Variants in COL5A1 observed in about 807,000 individuals in gnomAD.
COL5A1 encodes the protein collagen alpha-1(V) chain.
A neutral mutation model predicts 263.7 loss-of-function variants in COL5A1; 16 were observed. The ratio of observed to expected loss-of-function variants is 0.06; its 90% confidence interval spans 0.04 to 0.09. The LOEUF (loss-of-function observed/expected upper bound fraction) is 0.09, where lower values mean the gene tolerates loss of function less well. Ranked by LOEUF, COL5A1 falls within the 10% of genes least tolerant of loss-of-function variation. The pLI is 1.00. For missense variants in COL5A1, 2,036 were observed against 2,540.5 expected (o/e 0.80, Z 4.27); for synonymous variants, 1,012 against 1,004.5 (o/e 1.01, Z -0.14).
intron 4 of COL5A1, among the ~76,000 whole-genome samples, chr9:134,709,437 A>G (rs1038228378): frequency 1.7e-4 from 26 of 152,192 alleles, no homozygotes; most frequent in Middle Eastern, 3.4e-3. Context: ...GCAGTTTGGT[A>G]TCGGGGTGCA....
chr9:134,728,598 G>A lies in COL5A1; in HGVS notation c.787-72G>A, dbSNP rs191710927. The A allele has an allele frequency of 6.5e-5, 104 of 1,607,286 alleles. No homozygotes were observed. The African/African-American group carries it at 9.2e-4, about 14-fold the overall frequency. On this transcript the variant is annotated intron_variant, in intron 5 of 65. Transcript: ENST00000371817. ...CGTGGCGTGCAGATCTGGAGGTTGC[G>A]GAAGGAAGGACAGCAGGCTGGTCGC... is the stretch of plus-strand genomic sequence containing the variant.
rs1830112154 is a variant in COL5A1, at chr9:134,841,860, A to G, written c.5371-297A>G. Among the ~76,000 whole-genome samples, 1 of 151,976 alleles carries G rather than the reference A, an allele frequency of 6.6e-6. No individual in the cohort carries two copies. Among genetic ancestry groups the G allele is most frequent in the South Asian group, 2.1e-4 (1 of 4,826 alleles). On this transcript the variant is annotated intron_variant, in intron 65 of 65. Coordinates refer to ENST00000371817, the MANE Select transcript of COL5A1 (RefSeq NM_000093.5). The surrounding 1 kb of genome is among the most constrained non-coding windows in gnomAD (Gnocchi z 4.8). ...ACGGTGGGAAGGCTGATCAGCTTCA[A>G]TCCTGTGTGTGCCTCAGCCACCCCT...
chr9:134,745,404 G>A (rs893182758), intron 11 of COL5A1, among the ~76,000 whole-genome samples: 1 of 152,152 alleles, frequency 6.6e-6, no homozygotes, highest in African/African-American at 2.4e-5. Context: ...TGTTCATCAC[G>A]GTCAGTTAGT....
chr9:134,756,670 G>T (rs936800871), intron 16 of COL5A1, 95 bp from the exon 17 acceptor site: 5 of 1,358,212 alleles, frequency 3.7e-6, no homozygotes, highest in Non-Finnish European at 5.3e-6. Context: ...CGGCTCTGGT[G>T]GAACGCTCAA....
At chr9:134,687,623 G>C (rs1833126461) in intron 1 of COL5A1, among the ~76,000 whole-genome samples, 3 of 152,182 alleles carry the variant, frequency 2.0e-5, no homozygotes, top group African/African-American at 7.2e-5. Flanking sequence ...TCGGTCTCAG[G>C]AACCTCTGGG....
intron 31 of COL5A1, among the ~76,000 whole-genome samples, chr9:134,788,306 C>G (rs3128622): frequency 0.64 from 85,871 of 134,352 alleles, 26,126 homozygotes; most frequent in Middle Eastern, 0.67. Context: ...GTAGACAGGT[C>G]GATGAATGGA....
intron 32 of COL5A1, among the ~76,000 whole-genome samples, chr9:134,791,152 C>T (rs1837677730): frequency 6.6e-6 from 1 of 152,244 alleles, no homozygotes; most frequent in South Asian, 2.1e-4. Flanking sequence ...TGCCAGGCAC[C>T]ACATGCCCCA....
intron 4 of COL5A1, among the ~76,000 whole-genome samples, chr9:134,712,979 A>G (rs547506586): frequency 1.3e-5 from 2 of 152,214 alleles, no homozygotes; most frequent in East Asian, 3.9e-4. Context: ...GCACTCCTGG[A>G]GCCCTGGACT....
At chr9:134,756,330 TTC>T (rs1434846249) in intron 16 of COL5A1, among the ~76,000 whole-genome samples, 1 of 152,212 alleles carries the variant, frequency 6.6e-6, no homozygotes, top group Non-Finnish European at 1.5e-5. Flanking sequence ...GATGTGTCCT[TTC>T]TCTCTTTCCT....
chr9:134,808,632 A>G (rs1838389821), intron 42 of COL5A1, among the ~76,000 whole-genome samples: 1 of 152,190 alleles, frequency 6.6e-6, no homozygotes, highest in African/African-American at 2.4e-5. Context: ...GTGCACATGC[A>G]TGTGCATGCA....
At chr9:134,823,520 C>T (rs759133611) in intron 61 of COL5A1, 51 bp downstream of exon 61, 24 of 1,587,772 alleles carry the variant, frequency 1.5e-5, no homozygotes, top group South Asian at 8.8e-5. Context: ...TGGCTAGCTC[C>T]GAGGGAATTG....
chr9:134,720,915 A>G (rs974101879), intron 4 of COL5A1, among the ~76,000 whole-genome samples: 35 of 152,144 alleles, frequency 2.3e-4, no homozygotes, highest in African/African-American at 8.4e-4. Context: ...GCTGCCTTCA[A>G]GGTCTGTGAG....
intron 9 of COL5A1, chr9:134,732,402 G>A: frequency 1.7e-6 from 1 of 583,536 alleles, no homozygotes; most frequent in Non-Finnish European, 3.1e-6. Flanking sequence ...GCATCTCAGT[G>A]CTGGTCAGTT....
rs73664168 is a variant in COL5A1, at chr9:134,842,963, G to A, written c.*660G>A. 0.013 allele frequency: 2,082 copies of A among 154,534 alleles called. 31 individuals are homozygous for A. Among genetic ancestry groups the A allele is most frequent in the African/African-American group, 0.039 (1,635 of 41,538 alleles). The allele number at this position is 154,534 out of a possible 1,614,324, so 9.6% of individuals were successfully genotyped here. The stretch of plus-strand genomic sequence containing the variant: ...CACGGAAACCCAGTCTCAGTCCCAC[G>A]GACAGAATGGGCGAGGCATGGATTC... On this transcript the variant is annotated 3_prime_UTR_variant, in exon 66 of 66. Transcript: ENST00000371817. The surrounding 1 kb of genome is among the most constrained non-coding windows in gnomAD (Gnocchi z 5.8).
At chr9:134,747,713 A>ACACACATGCAGACACATG (rs1835581196) in intron 11 of COL5A1, among the ~76,000 whole-genome samples, 2 of 143,710 alleles carry the variant, frequency 1.4e-5, no homozygotes, top group Non-Finnish European at 1.5e-5. Flanking sequence ...ATGCATTCAT[A>ACACACATGCAGACACATG]CACACATGCA....
At chr9:134,704,321 T>C (rs1408014504) in intron 4 of COL5A1, among the ~76,000 whole-genome samples, 1 of 152,166 alleles carries the variant, frequency 6.6e-6, no homozygotes, top group Admixed American at 6.5e-5. Flanking sequence ...GGAGGCACCG[T>C]GAGAATTAAT....
chr9:134,816,280 C>T (rs1043705670), intron 52 of COL5A1, among the ~76,000 whole-genome samples: 4 of 152,224 alleles, frequency 2.6e-5, no homozygotes, highest in Non-Finnish European at 4.4e-5. Flanking sequence ...CGCCCGGGAA[C>T]GTCAGATCTT....
rs1433309129 is a variant in COL5A1 at position 134,765,759 on chromosome 9, G to A, written c.2088+25G>A. 3.1e-6 allele frequency: 5 copies of A among 1,606,396 alleles called. No individual in the cohort carries two copies. Among genetic ancestry groups the A allele is most frequent in the Admixed American group, 1.7e-5 (1 of 59,458 alleles). On this transcript the variant is annotated intron_variant, in intron 21 of 65. Coordinates refer to ENST00000371817, the MANE Select transcript of COL5A1 (RefSeq NM_000093.5). This position sits in a 1 kb window ranked among gnomAD's most constrained non-coding sequence, Gnocchi z 5.1. ...CGTAAGTCCCATTACCGCCCTGCTT[G>A]TCTGCCCCCATCTCGGCCTTTGAGA...
chr9:134,754,385 A>T lies in COL5A1; in HGVS notation c.1827+59A>T. 6.2e-7 allele frequency: 1 copy of T among 1,602,086 alleles called. No homozygotes were observed. On this transcript the variant is annotated intron_variant, in intron 16 of 65. Transcript: ENST00000371817. This position sits in a 1 kb window ranked among gnomAD's most constrained non-coding sequence, Gnocchi z 4.3. ...GCAGCTTGGGCGCTGGAGGAGCCCA[A>T]ATCTGGGGTGCGGGCACCCCCAACA...
Sources: allele counts gnomAD v4.1 joint callset (sites outside exome capture counted in the v4.1 genomes callset), GRCh38; gene constraint gnomAD v4.1.1; non-coding constraint Gnocchi (gnomAD v3.1); transcripts MANE v1.5; gene names NCBI Gene and HGNC (gene_info 2026-07-23, HGNC 2026-07-21).